Variants in SLC39A11 observed in about 807,000 individuals in gnomAD.
SLC39A11 encodes zinc transporter ZIP11.
Under a neutral mutation model 36.1 loss-of-function variants are expected in SLC39A11, and 33 were observed. The observed-to-expected ratio is 0.91, with a 90% confidence interval of 0.69 to 1.22. The LOEUF is 1.22. Ranked by LOEUF, SLC39A11 falls within the 50% of genes most tolerant of loss-of-function variation. The probability of loss-of-function intolerance (pLI) is 0.00; values close to 1 mark genes in which losing one functional copy is unlikely to be tolerated. For synonymous variants in SLC39A11, 166 were observed against 170.3 expected (o/e 0.97, Z 0.20); for missense variants, 432 against 430.3 (o/e 1.00, Z -0.03).
chr17:72,970,332 G>A (rs149608624), intron 4 of SLC39A11, among the ~76,000 whole-genome samples: 126 of 152,162 alleles, frequency 8.3e-4, no homozygotes, highest in African/African-American at 3.0e-3. Flanking sequence ...ACACCTTCAC[G>A]TTTGCAATAC....
At chr17:72,670,160 T>TACACAC (rs202032502) in intron 7 of SLC39A11, among the ~76,000 whole-genome samples, 2 of 104,686 alleles carry the variant, frequency 1.9e-5, no homozygotes, top group East Asian at 6.2e-4. Context: ...ACATTTTATA[T>TACACAC]ACACACACAC....
chr17:72,990,499 C>A (rs1021152459), intron 4 of SLC39A11, among the ~76,000 whole-genome samples: 2 of 152,130 alleles, frequency 1.3e-5, no homozygotes, highest in Non-Finnish European at 2.9e-5. Flanking sequence ...CTCACTGAAA[C>A]CTTGGCTTCC....
intron 4 of SLC39A11, among the ~76,000 whole-genome samples, chr17:72,971,336 A>ACTCTCTCTCT (rs369016332): frequency 1.4e-5 from 2 of 143,412 alleles, no homozygotes; most frequent in African/African-American, 5.1e-5. Context: ...ACACACACAC[A>ACTCTCTCTCT]CTCTCTCTCT....
At chr17:72,719,679 A>G (rs2073571067) in intron 7 of SLC39A11, among the ~76,000 whole-genome samples, 1 of 152,118 alleles carries the variant, frequency 6.6e-6, no homozygotes, top group Non-Finnish European at 1.5e-5. Flanking sequence ...AGGAAACCAC[A>G]CTGCCATTTT....
intron 6 of SLC39A11, among the ~76,000 whole-genome samples, chr17:72,776,440 A>G (rs2076133809): frequency 6.6e-6 from 1 of 152,138 alleles, no homozygotes; most frequent in South Asian, 2.1e-4. Context: ...ATATTATTAT[A>G]CTTATCTGTG....
At chr17:72,900,004 AAGAG>A (rs773613706) in intron 5 of SLC39A11, among the ~76,000 whole-genome samples, 2 of 128,494 alleles carry the variant, frequency 1.6e-5, no homozygotes, top group Admixed American at 7.5e-5. Flanking sequence ...GAGAGAGAGA[AAGAG>A]AGAGAGAGAG....
chr17:72,912,147 T>C (rs1399531158), intron 5 of SLC39A11, among the ~76,000 whole-genome samples: 1 of 152,096 alleles, frequency 6.6e-6, no homozygotes, highest in Non-Finnish European at 1.5e-5. Flanking sequence ...GGGTTTAACC[T>C]CTGGTTTTTC....
At chr17:72,907,836 G>A (rs953303509) in intron 5 of SLC39A11, among the ~76,000 whole-genome samples, 3 of 152,210 alleles carry the variant, frequency 2.0e-5, no homozygotes, top group Admixed American at 6.5e-5. Flanking sequence ...CATATCCCAC[G>A]CCACAGACTG....
intron 6 of SLC39A11, among the ~76,000 whole-genome samples, chr17:72,743,173 C>T (rs1055309931): frequency 2.6e-5 from 4 of 152,154 alleles, no homozygotes; most frequent in Non-Finnish European, 5.9e-5. Flanking sequence ...AAGAAAAGGG[C>T]CTGCCCTAGG....
At chr17:72,955,349 A>G (rs1344972105) in intron 4 of SLC39A11, among the ~76,000 whole-genome samples, 1 of 119,218 alleles carries the variant, frequency 8.4e-6, no homozygotes, top group African/African-American at 3.2e-5. Context: ...GTCGCCCAAG[A>G]TGGAGTGCAG....
chr17:72,978,213 C>CCT (rs201220022), intron 4 of SLC39A11, among the ~76,000 whole-genome samples: 36 of 149,162 alleles, frequency 2.4e-4, no homozygotes, highest in African/African-American at 8.1e-4. Flanking sequence ...TCTTCCTCTT[C>CCT]CTTCCTTCCT....
intron 7 of SLC39A11, among the ~76,000 whole-genome samples, chr17:72,711,740 G>A (rs951232534): frequency 8.5e-5 from 13 of 152,204 alleles, no homozygotes; most frequent in Non-Finnish European, 1.8e-4. Context: ...ATCAGGTTGA[G>A]CAACACCGTG....
Position 72,647,450 on chromosome 17 carries a change from C to CA in SLC39A11, c.*133dup, listed in dbSNP as rs1386028998. ...AAAATGGTTCTATTATAATCAGAGT[C>CA]AATCAGGATAATGAGATGAAGAAGA... On this transcript the variant is annotated 3_prime_UTR_variant, in exon 10 of 10. Transcript: ENST00000255559. The CA allele has an allele frequency of 9.5e-6, 6 of 630,856 alleles. No individual in the cohort carries two copies. The East Asian group carries it at 1.4e-4, about 15-fold the overall frequency. 39.1% of individuals were successfully genotyped at this position (630,856 alleles called of 1,614,324 possible). A position where few individuals can be genotyped will look rare whatever the true frequency, so the allele number is the denominator to read the frequency against.
intron 3 of SLC39A11, among the ~76,000 whole-genome samples, chr17:73,032,226 A>C (rs548153820): frequency 6.9e-6 from 1 of 145,044 alleles, no homozygotes; most frequent in South Asian, 2.2e-4. Context: ...TTTTTTTCTG[A>C]GATGGAGACT....
At chr17:73,087,765 A>G (rs2060782567) in intron 2 of SLC39A11, among the ~76,000 whole-genome samples, 2 of 152,080 alleles carry the variant, frequency 1.3e-5, no homozygotes, top group African/African-American at 4.8e-5. Flanking sequence ...GTAGGATACA[A>G]GGAAGATGTA....
At chr17:72,813,893 A>C (rs2077505442) in intron 6 of SLC39A11, among the ~76,000 whole-genome samples, 1 of 152,202 alleles carries the variant, frequency 6.6e-6, no homozygotes, top group Non-Finnish European at 1.5e-5. Context: ...TGCTTTTGTG[A>C]AGCAACATTT....
chr17:72,781,327 T>A (rs192476512), intron 6 of SLC39A11, among the ~76,000 whole-genome samples: 35 of 151,566 alleles, frequency 2.3e-4, no homozygotes, highest in Admixed American at 1.2e-3. Context: ...AGGAGAGAAT[T>A]TATTTTACTG....
rs7359606 is a variant in SLC39A11 at position 72,702,203 on chromosome 17, T to G, written c.671+34447A>C. Among the ~76,000 whole-genome samples, 507 of 152,358 alleles carry G rather than the reference T, an allele frequency of 3.3e-3. 20 individuals are homozygous for G. In the East Asian group the frequency reaches 0.076, roughly 23 times the overall value. On this transcript the variant is annotated intron_variant, in intron 7 of 9. Transcript: ENST00000255559. ...CACATGCTCTCATAAACTCGCAAGC[T>G]AACCCTATCTTCCTGTGTTCTACTG...
At chr17:73,078,488 T>G (rs2060403637) in intron 3 of SLC39A11, among the ~76,000 whole-genome samples, 1 of 136,714 alleles carries the variant, frequency 7.3e-6, no homozygotes, top group African/African-American at 2.8e-5. Context: ...TTTGTTTGTT[T>G]TTTGTTGTTT....
Sources: gnomAD v4.1 joint callset for allele counts (sites outside exome capture counted in the v4.1 genomes callset) on GRCh38, gnomAD v4.1.1 for gene constraint, MANE v1.5 for transcripts, NCBI Gene and HGNC (gene_info 2026-07-23, HGNC 2026-07-21) for gene names.